SEMA5A: variants seen among roughly 807,000 people sequenced by gnomAD.
SEMA5A encodes the protein semaphorin 5A.
In SEMA5A, 55 loss-of-function variants were observed where a neutral mutation model predicts 135.5. The ratio of observed to expected loss-of-function variants is 0.41; its 90% confidence interval spans 0.33 to 0.51. SEMA5A has a LOEUF of 0.51. Among genes scored for constraint, SEMA5A ranks in the 20% least tolerant of loss-of-function variants. The pLI is 0.37. For missense variants in SEMA5A, 1,290 were observed against 1,419.9 expected, an observed-to-expected ratio of 0.91 and a Z score of 1.47; for synonymous variants, 580 against 546.5, an observed-to-expected ratio of 1.06 and a Z score of -0.85.
At chr5:9,367,501 AT>A (rs1754967121) in intron 3 of SEMA5A, 1 of 152,204 alleles carries the variant, frequency 6.6e-6, no homozygotes, top group African/African-American at 2.4e-5. Flanking sequence ...TCCAAAAAGT[AT>A]TTTTATCACT....
At chr5:9,451,446 G>T (rs776265313) in intron 1 of SEMA5A, among the ~76,000 whole-genome samples, 9 of 152,154 alleles carry the variant, frequency 5.9e-5, no homozygotes, top group African/African-American at 2.2e-4. Context: ...GGAAGAAGGG[G>T]CATAGCTATC....
chr5:9,054,721 A>G (rs1411035532), intron 18 of SEMA5A, among the ~76,000 whole-genome samples: 4 of 152,106 alleles, frequency 2.6e-5, no homozygotes, highest in African/African-American at 9.7e-5. Flanking sequence ...TCAAGTCACG[A>G]GCTCCTTTAC....
intron 1 of SEMA5A, among the ~76,000 whole-genome samples, chr5:9,512,797 C>T (rs1377755385): frequency 6.6e-6 from 1 of 152,054 alleles, no homozygotes; most frequent in African/African-American, 2.4e-5. Context: ...TCAACGAAAG[C>T]ACCAATTTGG....
chr5:9,294,965 C>T lies in SEMA5A; in HGVS notation c.270+23407G>A, dbSNP rs571998999. On this transcript the variant is annotated intron_variant, in intron 5 of 22. Transcript: ENST00000382496. ...CCTCACCATCACTCAAGGTCACTAGCGCCAAAGCACAACTTCCTGTCTTCC... is the reference window on the plus strand; with the variant it reads ...CCTCACCATCACTCAAGGTCACTAGTGCCAAAGCACAACTTCCTGTCTTCC... 7.2e-5 allele frequency among the ~76,000 whole-genome samples: 11 copies of T among 152,244 alleles called. No individual in the cohort carries two copies. In the East Asian group the frequency reaches 1.2e-3, roughly 16 times the overall value.
intron 3 of SEMA5A, among the ~76,000 whole-genome samples, chr5:9,379,391 C>G (rs767220152): frequency 1.3e-5 from 2 of 152,152 alleles, no homozygotes; most frequent in African/African-American, 2.4e-5. Context: ...TAAATCAATT[C>G]TGCTGCCATG....
intron 1 of SEMA5A, among the ~76,000 whole-genome samples, chr5:9,477,305 C>T (rs953635732): frequency 4.6e-5 from 7 of 152,112 alleles, no homozygotes; most frequent in African/African-American, 1.2e-4. Flanking sequence ...TAATGTAATA[C>T]AGGAAATCAG....
Position 9,042,945 on chromosome 5 carries a change from G to T in SEMA5A, c.3177C>A (p.Thr1059=). The change falls in exon 23 of 23, where the codon ACC becomes ACA. Residue 1059 remains threonine (T), a synonymous_variant. Coordinates refer to ENST00000382496, the MANE Select transcript of SEMA5A (RefSeq NM_003966.3). The part of the protein sequence containing the change: ...KYFNPHLTGK[T]YSNAYFTDLN... ...GATCTGTAAAGTAGGCATTAGAATA[G>T]GTCTTCCCAGTGAGATGTGGGTTGA... 1 of 1,613,160 alleles carries T rather than the reference G, an allele frequency of 6.2e-7. No individual in the cohort carries two copies. The highest frequency in any genetic ancestry group is 8.5e-7 in the Non-Finnish European group (1 of 1,179,284).
chr5:9,304,133 A>C (rs990219512), intron 5 of SEMA5A, among the ~76,000 whole-genome samples: 3 of 152,144 alleles, frequency 2.0e-5, no homozygotes, highest in Admixed American at 2.0e-4. Context: ...TTATAATTGG[A>C]GCAGTTTTCT....
At chr5:9,132,780 T>C (rs1277835898) in intron 13 of SEMA5A, among the ~76,000 whole-genome samples, 1 of 152,232 alleles carries the variant, frequency 6.6e-6, no homozygotes, top group African/African-American at 2.4e-5. Flanking sequence ...TTCCTGTAAC[T>C]CTTATTGCAC....
rs750129620 is a variant in SEMA5A, at chr5:9,122,716, G to A, written c.1721C>T (p.Ala574Val). The change falls in exon 14 of 23, where the codon GCC becomes GTC. Residue 574 changes from alanine to valine, a missense_variant. Physicochemically the swap from Ala to Val is moderately conservative, Grantham distance 64. Transcript: ENST00000382496. The part of the protein sequence containing the change: ...LCRTRSCDSP[A>V]PQCGGWQCEG... ...GCACTGCCAGCCACCACACTGCGGG[G>A]CCGGGCTGTCGCAGGAGCGGGTTCG... is the stretch of plus-strand genomic sequence containing the variant. 5.6e-6 allele frequency: 9 copies of A among 1,613,438 alleles called. No individual in the cohort carries two copies. The highest frequency in any genetic ancestry group is 1.6e-4 in the Middle Eastern group (1 of 6,074).
chr5:9,494,667 ATCC>A (rs539158649), intron 1 of SEMA5A, among the ~76,000 whole-genome samples: 57 of 148,490 alleles, frequency 3.8e-4, no homozygotes, highest in Non-Finnish European at 7.2e-4. Flanking sequence ...AATGTCCCTT[ATCC>A]TCCTAATTTT....
intron 1 of SEMA5A, among the ~76,000 whole-genome samples, chr5:9,469,530 A>C (rs756258832): frequency 1.3e-5 from 2 of 152,138 alleles, no homozygotes; most frequent in Non-Finnish European, 2.9e-5. Flanking sequence ...CCCATTTCAC[A>C]TTTGAGAAAA....
Position 9,318,410 on chromosome 5 carries a change from G to C in SEMA5A, c.232C>G (p.Leu78Val), listed in dbSNP as rs199760595. 2.4e-5 allele frequency: 38 copies of C among 1,611,752 alleles called. No homozygotes were observed. Among genetic ancestry groups the C allele is most frequent in the Non-Finnish European group, 3.1e-5 (36 of 1,178,982 alleles). Residue 78 changes from leucine to valine, a missense_variant, in exon 5 of 23, where the codon CTC becomes GTC. Around this residue, in one of 3 missense-constraint regions of SEMA5A, gnomAD observed 116 missense variants for 121.3 expected, o/e 0.96. Transcript: ENST00000382496. Reference sequence around the variant, plus strand: ...AGATCCTCAAGCTGTAACCTGAAGAGGTAGTTTCTGCAAAATACAAAAACA... The same window carrying C: ...AGATCCTCAAGCTGTAACCTGAAGACGTAGTTTCTGCAAAATACAAAAACA... ...KELVVGARNY[L>V]FRLQLEDLSL...
chr5:9,222,490 G>A (rs569525570), intron 8 of SEMA5A, among the ~76,000 whole-genome samples: 48 of 152,256 alleles, frequency 3.2e-4, no homozygotes, highest in African/African-American at 1.0e-3. Context: ...GTGGGGGAGG[G>A]CGGTGGAAAT....
At chr5:9,526,345 T>C (rs1737121960) in intron 1 of SEMA5A, among the ~76,000 whole-genome samples, 1 of 152,244 alleles carries the variant, frequency 6.6e-6, no homozygotes, top group Admixed American at 6.5e-5. Flanking sequence ...TAAATAGATA[T>C]GTGCATGTTT....
At chr5:9,194,660 A>C (rs1369906233) in intron 10 of SEMA5A, among the ~76,000 whole-genome samples, 1 of 152,234 alleles carries the variant, frequency 6.6e-6, no homozygotes, top group Admixed American at 6.5e-5. Context: ...AGTTATACAA[A>C]GAATCACCAT....
At chr5:9,123,349 G>C (rs1194201483) in intron 13 of SEMA5A, among the ~76,000 whole-genome samples, 1 of 149,202 alleles carries the variant, frequency 6.7e-6, no homozygotes, top group Non-Finnish European at 1.5e-5. Flanking sequence ...GCTGGAGATG[G>C]TGAGGAAGAA....
chr5:9,445,754 C>T (rs1383438835), intron 1 of SEMA5A, among the ~76,000 whole-genome samples: 4 of 152,166 alleles, frequency 2.6e-5, no homozygotes, highest in South Asian at 2.1e-4. Flanking sequence ...GGAGACCAGT[C>T]CCAGAGGTCA....
At chr5:9,483,267 T>C (rs1759945266) in intron 1 of SEMA5A, among the ~76,000 whole-genome samples, 1 of 152,156 alleles carries the variant, frequency 6.6e-6, no homozygotes, top group Admixed American at 6.5e-5. Flanking sequence ...TCTATATATC[T>C]CTTTCTCAAC....
Sources: gnomAD v4.1 joint callset for allele counts (sites outside exome capture counted in the v4.1 genomes callset) on GRCh38, gnomAD v4.1.1 for gene constraint, gnomAD v4.1.1 regional missense constraint, MANE v1.5 for transcripts, NCBI Gene and HGNC (gene_info 2026-07-23, HGNC 2026-07-21) for gene names.